RANBP2: variants seen among roughly 807,000 people sequenced by gnomAD.
RANBP2 encodes RAN binding protein 2.
RANBP2 carries 57 observed loss-of-function variants against 303.6 expected under a neutral mutation model. The ratio of observed to expected loss-of-function variants is 0.19; its 90% confidence interval spans 0.15 to 0.23. The LOEUF (loss-of-function observed/expected upper bound fraction) is 0.23. Ranked by LOEUF, RANBP2 falls within the 10% of genes least tolerant of loss-of-function variation. The probability of loss-of-function intolerance (pLI) is 1.00; values close to 1 mark genes in which losing one functional copy is unlikely to be tolerated. For missense variants in RANBP2, 3,138 were observed against 3,780.8 expected, an observed-to-expected ratio of 0.83 and a Z score of 4.46; for synonymous variants, 1,167 against 1,301.5, an observed-to-expected ratio of 0.90 and a Z score of 2.23.
At chr2:108,936,987 C>G in the RANBP2 span, among the ~76,000 whole-genome samples, 5 of 152,216 alleles carry the variant, frequency 3.3e-5, no homozygotes, top group African/African-American at 1.2e-4. Flanking sequence ...TGTTCCCAGC[C>G]TCTCTGGCCA....
At chr2:109,106,841 G>A in the RANBP2 span, among the ~76,000 whole-genome samples, 2 of 149,624 alleles carry the variant, frequency 1.3e-5, no homozygotes, top group Admixed American at 6.7e-5. Flanking sequence ...CGCCTCAGAA[G>A]AAAAAAGAAA....
the RANBP2 span, among the ~76,000 whole-genome samples, chr2:108,853,342 C>G: frequency 6.6e-6 from 1 of 151,824 alleles, no homozygotes; most frequent in East Asian, 1.9e-4. Flanking sequence ...AATATTGGGC[C>G]CTTAACCATA....
chr2:108,873,643 A>C, the RANBP2 span: 1 of 1,340,502 alleles, frequency 7.5e-7, no homozygotes, highest in Admixed American at 2.1e-5. Flanking sequence ...TACTGTGATC[A>C]TTTAAACCAG....
chr2:109,012,834 G>A, the RANBP2 span, among the ~76,000 whole-genome samples: 21 of 152,200 alleles, frequency 1.4e-4, no homozygotes, highest in East Asian at 5.8e-4. Flanking sequence ...GAATGGCGTG[G>A]ACCTGGGAGG....
At chr2:109,183,604 A>T in the RANBP2 span, among the ~76,000 whole-genome samples, 4 of 3,384 alleles carry the variant, frequency 1.2e-3, no homozygotes, top group Non-Finnish European at 1.8e-3. Context: ...TTTTGAGATA[A>T]AAAAAATGAG....
the RANBP2 span, among the ~76,000 whole-genome samples, chr2:109,486,275 C>A: frequency 1.3e-5 from 2 of 152,166 alleles, no homozygotes; most frequent in African/African-American, 2.4e-5. Flanking sequence ...CCCACAGAAG[C>A]AAAATCTTTG....
At chr2:108,774,410 A>G (rs961460260) in intron 23 of RANBP2, among the ~76,000 whole-genome samples, 5 of 152,124 alleles carry the variant, frequency 3.3e-5, no homozygotes, top group Admixed American at 1.3e-4. Flanking sequence ...GCAGTGCGCT[A>G]TGATTGTGCC....
chr2:109,584,821 TGAAAATTA>T, the RANBP2 span, among the ~76,000 whole-genome samples: 1 of 152,194 alleles, frequency 6.6e-6, no homozygotes, highest in South Asian at 2.1e-4. Context: ...AAGCCCTGCC[TGAAAATTA>T]GTATAATTAA....
At chr2:109,406,155 C>T in the RANBP2 span, among the ~76,000 whole-genome samples, 9 of 152,192 alleles carry the variant, frequency 5.9e-5, no homozygotes, top group African/African-American at 2.2e-4. Context: ...GTCAGAGGCT[C>T]AGCTGGTGCT....
the RANBP2 span, among the ~76,000 whole-genome samples, chr2:109,098,170 T>A: frequency 6.6e-6 from 1 of 152,172 alleles, no homozygotes; most frequent in Non-Finnish European, 1.5e-5. Flanking sequence ...TAGGTCCAAA[T>A]CCTTCCTAAA....
At chr2:108,892,291 C>CATT in the RANBP2 span, among the ~76,000 whole-genome samples, 1 of 152,180 alleles carries the variant, frequency 6.6e-6, no homozygotes, top group Admixed American at 6.5e-5. Flanking sequence ...CAGGAGGCCC[C>CATT]ATTTCAGCTG....
the RANBP2 span, among the ~76,000 whole-genome samples, chr2:108,833,770 C>G: frequency 0.016 from 2,338 of 145,912 alleles, 68 homozygotes; most frequent in African/African-American, 0.057. Context: ...CTTTGTCGCC[C>G]AGGCTGGAGT....
intron 19 of RANBP2, 143 bp downstream of exon 19, chr2:108,762,338 A>G: frequency 1.2e-6 from 1 of 861,192 alleles, no homozygotes; most frequent in Non-Finnish European, 1.6e-6. Context: ...ATCTCCAAAT[A>G]CAGAAATTAT....
At chr2:109,663,867 C>T in the RANBP2 span, among the ~76,000 whole-genome samples, 1 of 152,170 alleles carries the variant, frequency 6.6e-6, no homozygotes, top group African/African-American at 2.4e-5. Flanking sequence ...CGAAATAACC[C>T]CTCCTCCAGT....
the RANBP2 span, among the ~76,000 whole-genome samples, chr2:108,909,788 A>G: frequency 6.6e-6 from 1 of 152,206 alleles, no homozygotes; most frequent in African/African-American, 2.4e-5. Context: ...TGTGTGGTAA[A>G]CGCGGGAAAG....
At chr2:108,900,981 GAAC>G in the RANBP2 span, among the ~76,000 whole-genome samples, 4 of 151,984 alleles carry the variant, frequency 2.6e-5, no homozygotes, top group African/African-American at 9.7e-5. Context: ...GTAAATGATA[GAAC>G]AATTAGAAAA....
chr2:108,981,748 G>C, the RANBP2 span, among the ~76,000 whole-genome samples: 1 of 152,140 alleles, frequency 6.6e-6, no homozygotes, highest in Non-Finnish European at 1.5e-5. Context: ...CCATGGAAAC[G>C]ACAGCAAGGC....
the RANBP2 span, among the ~76,000 whole-genome samples, chr2:109,576,794 G>T: frequency 1.3e-5 from 2 of 151,884 alleles, 1 homozygote; most frequent in Admixed American, 1.3e-4. Flanking sequence ...TGGACAAAAA[G>T]ATAAAAAATA....
chr2:109,574,595 T>C, the RANBP2 span: 4 of 1,557,598 alleles, frequency 2.6e-6, no homozygotes, highest in Non-Finnish European at 3.5e-6. Flanking sequence ...CTGTCAAGGT[T>C]CTTCATGGTT....
Sources: gnomAD v4.1 joint callset for allele counts (sites outside exome capture counted in the v4.1 genomes callset) on GRCh38, gnomAD v4.1.1 for gene constraint, MANE v1.5 for transcripts, NCBI Gene and HGNC (gene_info 2026-07-23, HGNC 2026-07-21) for gene names.